Variants in ADI1 observed in about 807,000 individuals in gnomAD.
The protein encoded by ADI1 is acireductone dioxygenase.
Under a neutral mutation model 18.7 loss-of-function variants are expected in ADI1, and 21 were observed. That is an observed-to-expected ratio of 1.13 (90% CI 0.80 to 1.62). The LOEUF is 1.62. Among genes scored for constraint, ADI1 ranks in the 40% most tolerant of loss-of-function variants. ADI1 has a pLI of 0.00. For missense variants in ADI1, 245 were observed against 254.9 expected, an observed-to-expected ratio of 0.96 and a Z score of 0.26; for synonymous variants, 90 against 100.1, an observed-to-expected ratio of 0.90 and a Z score of 0.60.
intron 2 of ADI1, among the ~76,000 whole-genome samples, chr2:3,502,837 C>T (rs181583962): frequency 2.0e-5 from 3 of 152,246 alleles, no homozygotes; most frequent in Admixed American, 6.5e-5. Context: ...AGGTTGCACT[C>T]AGTAGGCCTG....
intron 2 of ADI1, among the ~76,000 whole-genome samples, chr2:3,505,506 G>A (rs995249805): frequency 2.0e-5 from 3 of 152,164 alleles, no homozygotes; most frequent in Admixed American, 2.0e-4. Flanking sequence ...TGAGTATCAG[G>A]GAAAATTCCC....
chr2:3,519,330 C>T, intron 1 of ADI1, 38 bp downstream of exon 1: 1 of 1,355,046 alleles, frequency 7.4e-7, no homozygotes. Flanking sequence ...TGGGGGTCGG[C>T]GTCGCCCGCA....
At chr2:3,502,234 T>C (rs982618550) in intron 2 of ADI1, among the ~76,000 whole-genome samples, 8 of 152,284 alleles carry the variant, frequency 5.3e-5, no homozygotes, top group Admixed American at 2.6e-4. Flanking sequence ...TCTTATTATG[T>C]TGCCCAGGCT....
At chr2:3,514,943 T>C (rs1002804150) in intron 1 of ADI1, 5 of 1,481,606 alleles carry the variant, frequency 3.4e-6, no homozygotes, top group Admixed American at 2.3e-5. Context: ...TTATAATTTA[T>C]TATGCCTGTC....
chr2:3,517,594 T>A (rs1445214474), intron 1 of ADI1: 2 of 152,106 alleles, frequency 1.3e-5, no homozygotes, highest in Admixed American at 6.6e-5. Context: ...GGAGAAACCC[T>A]GTCTCTACTA....
chr2:3,509,722 C>G (rs1159799127), intron 2 of ADI1, among the ~76,000 whole-genome samples: 1 of 151,750 alleles, frequency 6.6e-6, no homozygotes, highest in Admixed American at 6.6e-5. Flanking sequence ...AGCACTAAAC[C>G]CCCGTACTAA....
chr2:3,519,164 C>A, intron 1 of ADI1: 1 of 693,196 alleles, frequency 1.4e-6, no homozygotes, highest in South Asian at 4.0e-5. Context: ...CGCAGGAGGC[C>A]CTGACCACCC....
rs752223829 is a variant in ADI1, at chr2:3,519,502, G to C, written c.-15C>G. ...GCCTGCACCATGACGCGCAGTGCGG[G>C]TGCCGTGTTCGAACCCAGGGGCCGC... On this transcript the variant is annotated 5_prime_UTR_variant, in exon 1 of 4. Coordinates refer to ENST00000327435, the MANE Select transcript of ADI1 (RefSeq NM_018269.4). The C allele has an allele frequency of 6.3e-6, 8 of 1,273,802 alleles. No homozygotes were observed. In the East Asian group the frequency reaches 1.2e-4, roughly 20 times the overall value. The allele number at this position is 1,273,802 out of a possible 1,614,324, so 78.9% of individuals were successfully genotyped here. A position where few individuals can be genotyped will look rare whatever the true frequency, so the allele number is the denominator to read the frequency against.
rs1018547224 is a variant in ADI1, at chr2:3,499,207, C to T, written c.421-125G>A. The T allele has an allele frequency of 2.8e-5, 39 of 1,404,816 alleles. No homozygotes were observed. In the Admixed American group the frequency reaches 5.2e-4, roughly 19 times the overall value. The allele number at this position is 1,404,816 out of a possible 1,614,324, so 87.0% of individuals were successfully genotyped here. ...CACTTTACTTGCTATTTTTATTCTG[C>T]GTCTTTAACAATTTAGGCCACATTT... is the stretch of plus-strand genomic sequence containing the variant. On this transcript the variant is annotated intron_variant, in intron 3 of 3. Transcript: ENST00000327435.
intron 1 of ADI1, chr2:3,515,031 T>C (rs986313648): frequency 1.5e-5 from 9 of 607,876 alleles, no homozygotes; most frequent in Non-Finnish European, 2.0e-5. Context: ...TTGTGTTAAC[T>C]GTACAAATTG....
At chr2:3,512,172 A>C (rs1021137330) in intron 2 of ADI1, among the ~76,000 whole-genome samples, 1 of 152,276 alleles carries the variant, frequency 6.6e-6, no homozygotes, top group East Asian at 1.9e-4. Context: ...GAGGATTTCA[A>C]GCAGGCTTGT....
chr2:3,501,006 G>T lies in ADI1; in HGVS notation c.241-13C>A, dbSNP rs76414067. ...AGAACATCTTAATCTAGTGCAGAAG[G>T]AACATTCCTGTGAGTCTACCAGAGA... On this transcript the variant is annotated splice_polypyrimidine_tract_variant and intron_variant, in intron 2 of 3. Transcript: ENST00000327435. 0.013 allele frequency: 21,057 copies of T among 1,577,290 alleles called. 377 individuals are homozygous for T. Among genetic ancestry groups the T allele is most frequent in the South Asian group, 0.067 (5,687 of 84,354 alleles).
intron 2 of ADI1, among the ~76,000 whole-genome samples, chr2:3,501,944 A>AC (rs1667029473): frequency 1.3e-5 from 2 of 152,018 alleles, no homozygotes; most frequent in South Asian, 4.2e-4. Context: ...CTTCACCAAG[A>AC]CTGTGCCCTT....
chr2:3,518,997 CG>C (rs1380893367), intron 1 of ADI1, among the ~76,000 whole-genome samples: 3 of 151,442 alleles, frequency 2.0e-5, no homozygotes, highest in African/African-American at 7.3e-5. Context: ...CCACCAGCCC[CG>C]CTGCTGAGCA....
intron 1 of ADI1, among the ~76,000 whole-genome samples, chr2:3,518,555 G>A (rs115271689): frequency 0.028 from 4,239 of 152,282 alleles, 121 homozygotes; most frequent in South Asian, 0.071. Flanking sequence ...TACAGAGGCA[G>A]GGCTGACACC....
chr2:3,503,132 TACACAC>T (rs1246328472), intron 2 of ADI1, among the ~76,000 whole-genome samples: 1 of 151,322 alleles, frequency 6.6e-6, no homozygotes, highest in African/African-American at 2.4e-5. Flanking sequence ...CACACAAACC[TACACAC>T]GCACACACAC....
chr2:3,519,451 C>T lies in ADI1; in HGVS notation c.37G>A (p.Asp13Asn), dbSNP rs1380884252. The change falls in exon 1 of 4, where the codon GAC becomes AAC. Residue 13 changes from aspartate (D) to asparagine (N), a missense_variant. Coordinates refer to ENST00000327435, the MANE Select transcript of ADI1 (RefSeq NM_018269.4). ...QAWYMDDAPG[D>N]PRQPHRPDPG... ...TCGGGGCGGTGGGGTTGCCGCGGGTCGCCCGGGGCGTCGTCCATATACCAG... is the reference window on the plus strand; with the variant it reads ...TCGGGGCGGTGGGGTTGCCGCGGGTTGCCCGGGGCGTCGTCCATATACCAG... 1 of 1,355,038 alleles carries T rather than the reference C, an allele frequency of 7.4e-7. No homozygotes were observed. The highest frequency in any genetic ancestry group is 3.1e-5 in the East Asian group (1 of 32,628). 83.9% of individuals were successfully genotyped at this position (1,355,038 alleles called of 1,614,324 possible). A position where few individuals can be genotyped will look rare whatever the true frequency, so the allele number is the denominator to read the frequency against.
At chr2:3,519,097 G>A (rs1194510012) in intron 1 of ADI1, among the ~76,000 whole-genome samples, 2 of 149,902 alleles carry the variant, frequency 1.3e-5, no homozygotes, top group Non-Finnish European at 3.0e-5. Flanking sequence ...GGCGCTGGGG[G>A]CTGACCGCCG....
At chr2:3,510,317 A>T (rs888226884) in intron 2 of ADI1, among the ~76,000 whole-genome samples, 2 of 152,070 alleles carry the variant, frequency 1.3e-5, no homozygotes, top group Admixed American at 1.3e-4. Flanking sequence ...AATAATAATA[A>T]TAATGTCTGT....
Sources: gnomAD v4.1 joint callset for allele counts (sites outside exome capture counted in the v4.1 genomes callset) on GRCh38, gnomAD v4.1.1 for gene constraint, MANE v1.5 for transcripts, NCBI Gene and HGNC (gene_info 2026-07-23, HGNC 2026-07-21) for gene names.